Variants in SLC5A4 observed in about 807,000 individuals in gnomAD.
SLC5A4 encodes probable glucose sensor protein SLC5A4.
Under a neutral mutation model 70.3 loss-of-function variants are expected in SLC5A4, and 55 were observed. The observed-to-expected ratio is 0.78, with a 90% CI of 0.63 to 0.98. The LOEUF (loss-of-function observed/expected upper bound fraction) is 0.98. SLC5A4 is among the 50% of genes least tolerant of loss of function. The pLI, the probability that SLC5A4 is intolerant of heterozygous loss-of-function variation, is 0.00. For missense variants in SLC5A4, 735 were observed against 839.2 expected (o/e 0.88, Z 1.53); for synonymous variants, 268 against 305.7 (o/e 0.88, Z 1.29).
the SLC5A4 span, among the ~76,000 whole-genome samples, chr22:32,268,120 C>T: frequency 2.0e-5 from 3 of 152,156 alleles, no homozygotes; most frequent in Non-Finnish European, 2.9e-5. Context: ...ATCAGAAGCT[C>T]AAGGCCCTGA....
At chr22:32,346,873 G>T in the SLC5A4 span, among the ~76,000 whole-genome samples, 1 of 149,588 alleles carries the variant, frequency 6.7e-6, no homozygotes, top group South Asian at 2.2e-4. Flanking sequence ...TTAAACTAAA[G>T]AGCTTCTGCA....
the SLC5A4 span, among the ~76,000 whole-genome samples, chr22:32,322,716 C>T: frequency 2.0e-5 from 3 of 152,162 alleles, no homozygotes; most frequent in African/African-American, 7.2e-5. Context: ...GAAGTGCTTC[C>T]TGCCCCTGGG....
At chr22:32,268,883 C>T in the SLC5A4 span, among the ~76,000 whole-genome samples, 4 of 152,104 alleles carry the variant, frequency 2.6e-5, no homozygotes, top group African/African-American at 9.7e-5. Flanking sequence ...TTATAATATA[C>T]TATTTAAAGT....
At chr22:32,313,929 C>T in the SLC5A4 span, among the ~76,000 whole-genome samples, 5 of 152,202 alleles carry the variant, frequency 3.3e-5, no homozygotes, top group African/African-American at 1.2e-4. Context: ...TGGACTGCCC[C>T]CTCCACACCA....
At chr22:32,279,560 G>A in the SLC5A4 span, among the ~76,000 whole-genome samples, 1 of 152,128 alleles carries the variant, frequency 6.6e-6, no homozygotes, top group African/African-American at 2.4e-5. Context: ...GGAGGCCGAG[G>A]TGGGCGGATC....
rs150103906 is a variant in SLC5A4, at chr22:32,219,947, T to C, written c.1768+973A>G. Among the ~76,000 whole-genome samples, 729 of 152,090 alleles carry C rather than the reference T, an allele frequency of 4.8e-3. 5 individuals carry two copies. The highest frequency in any genetic ancestry group is 0.017 in the African/African-American group (691 of 41,496). On this transcript the variant is annotated intron_variant, in intron 14 of 14. Coordinates refer to ENST00000266086, the MANE Select transcript of SLC5A4 (RefSeq NM_014227.3). ...TGGGCACAATCCTAGAAATGTATAA[T>C]TTTCCAAAAACAATTAATGAAAAAA...
chr22:32,278,032 AAG>A, the SLC5A4 span, among the ~76,000 whole-genome samples: 1 of 152,166 alleles, frequency 6.6e-6, no homozygotes, highest in Non-Finnish European at 1.5e-5. Context: ...TGGTGAAAGA[AAG>A]AGGTTTAGGG....
At chr22:32,265,564 A>G in the SLC5A4 span, among the ~76,000 whole-genome samples, 7 of 152,194 alleles carry the variant, frequency 4.6e-5, no homozygotes, top group Admixed American at 6.5e-5. Flanking sequence ...AATATTTTTC[A>G]TATTTCATAT....
At chr22:32,282,981 G>A in the SLC5A4 span, among the ~76,000 whole-genome samples, 396 of 152,246 alleles carry the variant, frequency 2.6e-3, 2 homozygotes, top group African/African-American at 8.8e-3. Flanking sequence ...CCTTTACAAC[G>A]GTAAGCCAGA....
the SLC5A4 span, among the ~76,000 whole-genome samples, chr22:32,292,005 T>C: frequency 6.9e-6 from 1 of 145,220 alleles, no homozygotes; most frequent in Non-Finnish European, 1.5e-5. Flanking sequence ...CCTGAGAAGC[T>C]GAGATTACAG....
the SLC5A4 span, among the ~76,000 whole-genome samples, chr22:32,306,596 G>C: frequency 0.15 from 23,456 of 152,084 alleles, 2,036 homozygotes; most frequent in East Asian, 0.33. Context: ...CTCTCAGAGA[G>C]ACCCCATGCC....
At chr22:32,326,413 T>G in the SLC5A4 span, among the ~76,000 whole-genome samples, 1 of 151,966 alleles carries the variant, frequency 6.6e-6, no homozygotes, top group Non-Finnish European at 1.5e-5. Context: ...CCCAACACCA[T>G]GCCCAGCTAG....
chr22:32,292,054 A>T, the SLC5A4 span, among the ~76,000 whole-genome samples: 1 of 139,454 alleles, frequency 7.2e-6, no homozygotes, highest in Admixed American at 7.8e-5. Flanking sequence ...TTATATTTTT[A>T]GTAGAGACGG....
chr22:32,323,841 C>G, the SLC5A4 span, among the ~76,000 whole-genome samples: 1 of 152,238 alleles, frequency 6.6e-6, no homozygotes, highest in Non-Finnish European at 1.5e-5. Context: ...GGTGGCCCTT[C>G]TGGGATAAGG....
rs767162630 is a variant in SLC5A4 at position 32,225,696 on chromosome 22, C to T, written c.1408G>A (p.Val470Ile). The T allele has an allele frequency of 1.9e-6, 3 of 1,613,368 alleles. No homozygotes were observed. The East Asian group carries it at 6.7e-5, about 36-fold the overall frequency. Residue 470 changes from valine to isoleucine, a missense_variant, in exon 12 of 15, where the codon GTC becomes ATC. Physicochemically the swap from Val to Ile is conservative, Grantham distance 29. Coordinates refer to ENST00000266086, the MANE Select transcript of SLC5A4 (RefSeq NM_014227.3). ...TTACAGAAGATGGCAAGCACAAAGA[C>T]AGCTGCAATTGGAGGCCCAAGGTAG... ...SSYLGPPIAAVFVLAIFCKRV... is the reference protein window; with the variant it reads ...SSYLGPPIAAIFVLAIFCKRV...
chr22:32,244,362 G>A (rs2294211), intron 5 of SLC5A4, among the ~76,000 whole-genome samples: 12,520 of 152,198 alleles, frequency 0.082, 1,491 homozygotes, highest in African/African-American at 0.26. Flanking sequence ...ACAGAGGGGC[G>A]AGTATTACAC....
chr22:32,247,558 G>C, intron 4 of SLC5A4, 43 bp from the exon 5 acceptor site: 1 of 1,248,738 alleles, frequency 8.0e-7, no homozygotes, highest in Non-Finnish European at 1.2e-6. Flanking sequence ...TACCCTTAGG[G>C]CCCTGTGCGT....
At chr22:32,296,807 T>C in the SLC5A4 span, among the ~76,000 whole-genome samples, 1 of 59,558 alleles carries the variant, frequency 1.7e-5, no homozygotes, top group African/African-American at 6.8e-5. Context: ...AGATAGCTCT[T>C]ATTATTTTGA....
At chr22:32,354,700 T>C in the SLC5A4 span, among the ~76,000 whole-genome samples, 5 of 151,644 alleles carry the variant, frequency 3.3e-5, no homozygotes, top group African/African-American at 1.2e-4. Flanking sequence ...CACTCCCCTC[T>C]GTGGGCAGTG....
Sources: allele counts gnomAD v4.1 joint callset (sites outside exome capture counted in the v4.1 genomes callset), GRCh38; gene constraint gnomAD v4.1.1; transcripts MANE v1.5; gene names NCBI Gene and HGNC (gene_info 2026-07-23, HGNC 2026-07-21).